MAPK8IP3: variants seen among roughly 807,000 people sequenced by gnomAD.
MAPK8IP3 encodes the protein mitogen-activated protein kinase 8 interacting protein 3, also known as C-Jun-amino-terminal kinase-interacting protein 3.
A neutral mutation model predicts 157.8 loss-of-function variants in MAPK8IP3; 49 were observed. The ratio of observed to expected loss-of-function variants is 0.31; its 90% CI spans 0.25 to 0.39. MAPK8IP3 has a LOEUF of 0.39. Ranked by LOEUF, MAPK8IP3 falls within the 10% of genes least tolerant of loss-of-function variation. The pLI is 1.00. For missense variants in MAPK8IP3, 1,478 were observed against 1,889.4 expected (o/e 0.78, Z 4.04); for synonymous variants, 897 against 777.7 (o/e 1.15, Z -2.55).
chr16:1,736,694 CCGTGTGAGCGTCCGTGTGAG>C (rs2039891529), intron 4 of MAPK8IP3, among the ~76,000 whole-genome samples: 1 of 47,550 alleles, frequency 2.1e-5, no homozygotes, highest in Non-Finnish European at 3.8e-5. Context: ...GTGTGACCGA[CCGTGTGAGCGTCCGTGTGAG>C]CGTGTGACCG....
At chr16:1,719,668 CAAAAAA>C in intron 1 of MAPK8IP3, among the ~76,000 whole-genome samples, 1 of 51,124 alleles carries the variant, frequency 2.0e-5, no homozygotes. Context: ...CCCATCTCTA[CAAAAAA>C]AAAAAAAAAA....
chr16:1,761,486 C>CCACCATT (rs1212675062), intron 13 of MAPK8IP3, among the ~76,000 whole-genome samples, 181 bp downstream of exon 13: 1 of 148,056 alleles, frequency 6.8e-6, no homozygotes, highest in Non-Finnish European at 1.5e-5. Flanking sequence ...GGCGGGGCGG[C>CCACCATT]CACCATTCAC....
intron 5 of MAPK8IP3, chr16:1,745,781 A>C (rs1567180544): frequency 6.6e-6 from 1 of 152,268 alleles, no homozygotes; most frequent in Admixed American, 6.5e-5. Flanking sequence ...TCATTTTGAG[A>C]TTCCTTCTAG....
At position 1,729,537 on chromosome 16, in the gene MAPK8IP3, C is replaced by G; in HGVS notation, c.561C>G (p.Val187=). The change falls in exon 4 of 32, where the codon GTC becomes GTG. Residue 187 remains valine (V), a synonymous_variant. Coordinates refer to ENST00000610761, the MANE Select transcript of MAPK8IP3 (RefSeq NM_001318852.2). ...TTGAGAGGTCCAAGATGCAGCAGGT[C>G]GGAGGAAACAGCCAGACCGAGAGCA... The part of the protein sequence containing the change: ...EHIERSKMQQ[V]GGNSQTESSL... 1.2e-6 allele frequency: 2 copies of G among 1,611,708 alleles called. No individual in the cohort carries two copies. Among genetic ancestry groups the G allele is most frequent in the Non-Finnish European group, 1.7e-6 (2 of 1,179,116 alleles).
chr16:1,722,340 A>G (rs2038582118), intron 1 of MAPK8IP3, among the ~76,000 whole-genome samples: 1 of 152,178 alleles, frequency 6.6e-6, no homozygotes, highest in Non-Finnish European at 1.5e-5. Context: ...GTAACTGCAC[A>G]GAATGAGTCA....
chr16:1,748,815 A>G, intron 8 of MAPK8IP3, 95 bp downstream of exon 8: 1 of 1,126,404 alleles, frequency 8.9e-7, no homozygotes, highest in Non-Finnish European at 1.4e-6. Context: ...GTCCTCTGTC[A>G]GCTGTGAGCT....
chr16:1,761,154 A>G lies in MAPK8IP3; in HGVS notation c.1458-70A>G, dbSNP rs772910751. The G allele has an allele frequency of 2.0e-4, 247 of 1,261,588 alleles. 1 individual carries two copies. In the Middle Eastern group the frequency reaches 2.0e-3, roughly 10 times the overall value. 78.1% of individuals were successfully genotyped at this position (1,261,588 alleles called of 1,614,324 possible). ...GCAAGGACACAGGTTCGGGGCGGGC[A>G]CTGCCCGCTATGTGTTCCCGAGGCC... On this transcript the variant is annotated intron_variant, in intron 12 of 31. Coordinates refer to ENST00000610761, the MANE Select transcript of MAPK8IP3 (RefSeq NM_001318852.2).
Position 1,743,373 on chromosome 16 carries a change from C to T in MAPK8IP3, c.644C>T (p.Ala215Val). The T allele has an allele frequency of 4.4e-6, 7 of 1,576,246 alleles. No individual in the cohort carries two copies. The highest frequency in any genetic ancestry group is 6.0e-6 in the Non-Finnish European group (7 of 1,164,942). Residue 215 changes from alanine to valine, a missense_variant, in exon 5 of 32, where the codon GCT becomes GTT. This residue lies in a region of MAPK8IP3 where 315 missense variants were observed against 394.4 expected (regional missense o/e 0.80). Coordinates refer to ENST00000610761, the MANE Select transcript of MAPK8IP3 (RefSeq NM_001318852.2). This position sits in a 1 kb window ranked among gnomAD's most constrained non-coding sequence, Gnocchi z 5.6. ...ACCTCCCTGAACGTGTTCCCCCTGG[C>T]TGACGGCACGGTACGTGCACAGATC... Reference protein sequence around the residue: ...RPTSLNVFPLADGTVRAQIGG... With the variant: ...RPTSLNVFPLVDGTVRAQIGG...
chr16:1,743,898 T>C lies in MAPK8IP3; in HGVS notation c.747+422T>C, dbSNP rs1033126492. 1 of 1,046,884 alleles carries C rather than the reference T, an allele frequency of 9.6e-7. No homozygotes were observed. The allele number at this position is 1,046,884 out of a possible 1,614,324, so 64.8% of individuals were successfully genotyped here. A position where few individuals can be genotyped will look rare whatever the true frequency, so the allele number is the denominator to read the frequency against. On this transcript the variant is annotated intron_variant, in intron 5 of 31. Coordinates refer to ENST00000610761, the MANE Select transcript of MAPK8IP3 (RefSeq NM_001318852.2). The surrounding 1 kb of genome is among the most constrained non-coding windows in gnomAD (Gnocchi z 5.6). ...GCCTCTACTCTCGGAGGAACGTCAG[T>C]GTCTAGAGTGTGGGGTTTGCCCTCC...
intron 4 of MAPK8IP3, among the ~76,000 whole-genome samples, chr16:1,738,449 T>A: frequency 9.0e-6 from 1 of 110,926 alleles, no homozygotes; most frequent in Non-Finnish European, 1.8e-5. Context: ...ACCATCCATG[T>A]GAGCATGTGT....
chr16:1,744,297 G>T, intron 5 of MAPK8IP3: 2 of 985,710 alleles, frequency 2.0e-6, no homozygotes, highest in Non-Finnish European at 2.4e-6. Flanking sequence ...GGGGCCTGTG[G>T]GCTGGGTTGG....
rs376895099 is a variant in MAPK8IP3, at chr16:1,764,298, C to T, written c.2122-3C>T. ...ACACCCGACCTCGGCCCTGCCCTTG[C>T]AGCTGTGGTGTGCCGCGGGCGTCAA... On this transcript the variant is annotated splice_polypyrimidine_tract_variant and splice_region_variant and intron_variant, in intron 18 of 31. Transcript: ENST00000610761. 3 of 1,580,942 alleles carry T rather than the reference C, an allele frequency of 1.9e-6. No individual in the cohort carries two copies. Among genetic ancestry groups the T allele is most frequent in the African/African-American group, 1.3e-5 (1 of 74,088 alleles).
intron 1 of MAPK8IP3, among the ~76,000 whole-genome samples, chr16:1,712,825 C>G (rs574148345): frequency 3.9e-5 from 6 of 152,350 alleles, no homozygotes; most frequent in Admixed American, 1.3e-4. Context: ...TGTCTGCCTC[C>G]GCAGTGCACC....
Position 1,724,443 on chromosome 16 carries a change from G to A in MAPK8IP3, c.319-114G>A. On this transcript the variant is annotated intron_variant, in intron 1 of 31. Transcript: ENST00000610761. The surrounding 1 kb of genome is among the most constrained non-coding windows in gnomAD (Gnocchi z 4.1). Reference sequence around the variant, plus strand: ...CGGCCTGGCCATGGGCCAGCTTGTGGCCCTGGGGACATCTTTGGCCCCTGG... The same window carrying A: ...CGGCCTGGCCATGGGCCAGCTTGTGACCCTGGGGACATCTTTGGCCCCTGG... The A allele has an allele frequency of 7.1e-7, 1 of 1,408,112 alleles. No individual in the cohort carries two copies. The highest frequency in any genetic ancestry group is 9.6e-7 in the Non-Finnish European group (1 of 1,043,120). 87.2% of individuals were successfully genotyped at this position (1,408,112 alleles called of 1,614,324 possible). A position where few individuals can be genotyped will look rare whatever the true frequency, so the allele number is the denominator to read the frequency against.
At chr16:1,756,837 G>A (rs1219857537) in intron 8 of MAPK8IP3, among the ~76,000 whole-genome samples, 16 of 152,012 alleles carry the variant, frequency 1.1e-4, no homozygotes. Flanking sequence ...ATAAATAAAG[G>A]CATCCAGGAA....
chr16:1,768,182 G>C lies in MAPK8IP3; in HGVS notation c.3563-17G>C. On this transcript the variant is annotated splice_polypyrimidine_tract_variant and intron_variant, in intron 29 of 31. Coordinates refer to ENST00000610761, the MANE Select transcript of MAPK8IP3 (RefSeq NM_001318852.2). ...ACCTGTATGCGGGCTCAGCGCCTCT[G>C]GGTTCTCTCCCTGCAGCCAATAAGA... The C allele has an allele frequency of 3.7e-6, 6 of 1,611,878 alleles. No individual in the cohort carries two copies. The highest frequency in any genetic ancestry group is 5.1e-6 in the Non-Finnish European group (6 of 1,179,570).
chr16:1,743,986 A>G lies in MAPK8IP3; in HGVS notation c.747+510A>G, dbSNP rs778300468. ...GGCCCCTCCCTGCCTGTCCCTGGTA[A>G]CGCCTCCTGGGTCCTGAGTTTGAGA... is the stretch of plus-strand genomic sequence containing the variant. On this transcript the variant is annotated intron_variant, in intron 5 of 31. Coordinates refer to ENST00000610761, the MANE Select transcript of MAPK8IP3 (RefSeq NM_001318852.2). This position sits in a 1 kb window ranked among gnomAD's most constrained non-coding sequence, Gnocchi z 5.6. 13 of 997,030 alleles carry G rather than the reference A, an allele frequency of 1.3e-5. No individual in the cohort carries two copies. Among genetic ancestry groups the G allele is most frequent in the Non-Finnish European group, 1.6e-5 (13 of 837,778 alleles). 61.8% of individuals were successfully genotyped at this position (997,030 alleles called of 1,614,324 possible).
At chr16:1,731,527 A>G (rs529355556) in intron 4 of MAPK8IP3, among the ~76,000 whole-genome samples, 2 of 152,322 alleles carry the variant, frequency 1.3e-5, no homozygotes, top group Admixed American at 1.3e-4. Flanking sequence ...GTCACGCATG[A>G]GGCCAGTTCT....
rs1160680951 is a variant in MAPK8IP3 at position 1,768,354 on chromosome 16, G to A, written c.3718G>A (p.Val1240Met). ...QLCFHGHRDA[V>M]KFFVSVPGNV... The stretch of plus-strand genomic sequence containing the variant: ...ATGCTTCCATGGGCACCGCGATGCC[G>A]TGAAGTTCTTTGTCTCGGTGCCAGG... The change falls in exon 30 of 32, where the codon GTG becomes ATG. Residue 1240 changes from valine to methionine, a missense_variant. Physicochemically the swap from Val to Met is conservative, Grantham distance 21. Coordinates refer to ENST00000610761, the MANE Select transcript of MAPK8IP3 (RefSeq NM_001318852.2). 1.9e-6 allele frequency: 3 copies of A among 1,603,562 alleles called. No homozygotes were observed. The highest frequency in any genetic ancestry group is 2.5e-6 in the Non-Finnish European group (3 of 1,179,596).
Sources: allele counts gnomAD v4.1 joint callset (sites outside exome capture counted in the v4.1 genomes callset), GRCh38; gene constraint gnomAD v4.1.1; regional missense constraint gnomAD v4.1.1; non-coding constraint Gnocchi (gnomAD v3.1); transcripts MANE v1.5; gene names NCBI Gene and HGNC (gene_info 2026-07-23, HGNC 2026-07-21).